Variants in MTMR2 observed in about 807,000 individuals in gnomAD.
MTMR2 encodes the protein myotubularin related protein 2, also known as phosphatidylinositol-3,5-bisphosphate 3-phosphatase MTMR2.
In MTMR2, 55 loss-of-function variants were observed where a neutral mutation model predicts 86.9. That is an observed-to-expected ratio of 0.63 (90% confidence interval 0.51 to 0.79). The LOEUF (loss-of-function observed/expected upper bound fraction) is 0.79. MTMR2 is among the 30% of genes least tolerant of loss of function. MTMR2 has a pLI of 0.00. For missense variants in MTMR2, 659 were observed against 772.3 expected, an observed-to-expected ratio of 0.85 and a Z score of 1.74; for synonymous variants, 241 against 266.8, an observed-to-expected ratio of 0.90 and a Z score of 0.94.
At chr11:95,871,467 A>G (rs373550176) in intron 2 of MTMR2, among the ~76,000 whole-genome samples, 2,522 of 152,168 alleles carry the variant, frequency 0.017, 33 homozygotes, top group South Asian at 0.062. Context: ...TGTGGTTTTC[A>G]TTTGCATTTC....
chr11:95,907,463 G>T (rs1866323564), intron 1 of MTMR2, among the ~76,000 whole-genome samples: 1 of 151,804 alleles, frequency 6.6e-6, no homozygotes, highest in Admixed American at 6.6e-5. Context: ...CATTCCTATG[G>T]AAACTATTCC....
intron 1 of MTMR2, among the ~76,000 whole-genome samples, chr11:95,888,476 TC>T (rs1237398862): frequency 6.6e-6 from 1 of 152,166 alleles, no homozygotes; most frequent in African/African-American, 2.4e-5. Context: ...CTGGATAGAC[TC>T]CCAATACTCA....
intron 2 of MTMR2, among the ~76,000 whole-genome samples, chr11:95,874,925 C>T (rs2135513391): frequency 6.6e-6 from 1 of 152,160 alleles, no homozygotes; most frequent in East Asian, 1.9e-4. Context: ...ATATTGGCCC[C>T]CACTCTCTTC....
At chr11:95,844,642 T>A (rs1249335390) in intron 11 of MTMR2, among the ~76,000 whole-genome samples, 2 of 152,126 alleles carry the variant, frequency 1.3e-5, no homozygotes, top group African/African-American at 2.4e-5. Context: ...GTAAAGACCC[T>A]TCTAAAAGTT....
At chr11:95,894,962 T>G (rs183401304) in intron 1 of MTMR2, among the ~76,000 whole-genome samples, 119 of 152,274 alleles carry the variant, frequency 7.8e-4, no homozygotes, top group African/African-American at 2.7e-3. Flanking sequence ...GACACTCCAA[T>G]TATACAAGAT....
intron 1 of MTMR2, among the ~76,000 whole-genome samples, chr11:95,919,792 A>G (rs1042484561): frequency 2.0e-5 from 3 of 152,212 alleles, no homozygotes; most frequent in Admixed American, 2.0e-4. Context: ...AACAAACAAG[A>G]CCAGTGGTGA....
chr11:95,847,811 T>C lies in MTMR2; in HGVS notation c.1082A>G (p.Glu361Gly). Residue 361 changes from glutamate to glycine, a missense_variant, in exon 10 of 15, where the codon GAA (glutamate) becomes GGA (glycine). By Grantham distance (98) the Glu-to-Gly change is moderately conservative. Transcript: ENST00000346299. The part of the protein sequence containing the change: ...LDIHNIHVMR[E>G]SLRKLKEIVY... The stretch of plus-strand genomic sequence containing the variant: ...AATCTCCTTAAGTTTTCGTAATGAT[T>C]CTCTCATAACATGAATATTGTGGAT... The C allele has an allele frequency of 6.2e-7, 1 of 1,613,634 alleles. No homozygotes were observed. The highest frequency in any genetic ancestry group is 8.5e-7 in the Non-Finnish European group (1 of 1,179,590).
chr11:95,839,953 G>T (rs1462546197), intron 12 of MTMR2: 1 of 152,012 alleles, frequency 6.6e-6, no homozygotes, highest in Non-Finnish European at 1.5e-5. Flanking sequence ...TCAAAATTAG[G>T]ATTAAACTAC....
chr11:95,838,296 TTAAA>T (rs747294899), intron 12 of MTMR2, 89 bp from the exon 13 acceptor site: 3 of 767,496 alleles, frequency 3.9e-6, no homozygotes, highest in Non-Finnish European at 7.0e-6. Flanking sequence ...GAGGTAGTAT[TTAAA>T]ATGAAGTTAA....
intron 7 of MTMR2, among the ~76,000 whole-genome samples, chr11:95,853,584 A>G (rs1316545338): frequency 6.6e-6 from 1 of 152,084 alleles, no homozygotes; most frequent in Non-Finnish European, 1.5e-5. Context: ...TCTAGTCTAT[A>G]TCAAACGTCT....
At chr11:95,842,225 A>G (rs1863578328) in intron 11 of MTMR2, among the ~76,000 whole-genome samples, 1 of 152,216 alleles carries the variant, frequency 6.6e-6, no homozygotes, top group African/African-American at 2.4e-5. Context: ...TGCTTATAAT[A>G]TGAATTACTA....
chr11:95,879,599 T>C (rs1865249901), intron 2 of MTMR2, among the ~76,000 whole-genome samples: 1 of 152,208 alleles, frequency 6.6e-6, no homozygotes, highest in East Asian at 1.9e-4. Flanking sequence ...CCTGTTTATG[T>C]ACCCACAGCC....
chr11:95,862,794 T>C (rs1308615357), intron 3 of MTMR2, among the ~76,000 whole-genome samples: 1 of 152,226 alleles, frequency 6.6e-6, no homozygotes. Context: ...TTTGTCAACA[T>C]TCTTCTAAAA....
chr11:95,862,033 T>C lies in MTMR2; in HGVS notation c.427A>G (p.Ser143Gly). 1 of 1,613,900 alleles carries C rather than the reference T, an allele frequency of 6.2e-7. No homozygotes were observed. The highest frequency in any genetic ancestry group is 8.5e-7 in the Non-Finnish European group (1 of 1,179,864). Residue 143 changes from serine (S) to glycine (G), a missense_variant, in exon 5 of 15, where the codon AGT becomes GGT. Ser to Gly is a moderately conservative substitution (Grantham distance 56). Transcript: ENST00000346299. ...NRVEKIGGASSRGENSYGLET... is the reference protein window; with the variant it reads ...NRVEKIGGASGRGENSYGLET... The stretch of plus-strand genomic sequence containing the variant: ...AGTCCATAAGAATTTTCACCTCGAC[T>C]AGAAGCACCACCAATTTTTTCTACT...
chr11:95,905,319 G>A (rs1436890249), intron 1 of MTMR2, among the ~76,000 whole-genome samples: 7 of 122,636 alleles, frequency 5.7e-5, no homozygotes, highest in Admixed American at 9.0e-5. Context: ...ACACACACAC[G>A]CACGCACCTG....
intron 7 of MTMR2, among the ~76,000 whole-genome samples, chr11:95,856,364 G>A (rs1253160605): frequency 6.7e-6 from 1 of 149,776 alleles, no homozygotes; most frequent in African/African-American, 2.5e-5. Context: ...GGGGGGAAGT[G>A]AATAATCTGA....
rs1863942641 is a variant in MTMR2, at chr11:95,849,753, G to C, written c.914C>G (p.Ala305Gly). ...AGACTGGGCATTGGAATCCATGATA[G>C]CTTGAAGGTATTTTTCATCTTCTTT... ...RSKEDEKYLQ[A>G]IMDSNAQSHK... Residue 305 changes from alanine (A) to glycine (G), a missense_variant, in exon 9 of 15, where the codon GCT (alanine) becomes GGT (glycine). Physicochemically the swap from Ala to Gly is moderately conservative, Grantham distance 60. Coordinates refer to ENST00000346299, the MANE Select transcript of MTMR2 (RefSeq NM_016156.6). The C allele has an allele frequency of 6.2e-7, 1 of 1,614,044 alleles. No homozygotes were observed. The highest frequency in any genetic ancestry group is 8.5e-7 in the Non-Finnish European group (1 of 1,179,924).
rs1208562716 is a variant in MTMR2, at chr11:95,895,113, C to T, written c.81-6852G>A. Among the ~76,000 whole-genome samples the T allele has an allele frequency of 3.3e-5, 5 of 150,554 alleles. No individual in the cohort carries two copies. In the South Asian group the frequency reaches 6.3e-4, roughly 19 times the overall value. On this transcript the variant is annotated intron_variant, in intron 1 of 14. Transcript: ENST00000346299. ...CTGACCAATAAGAGACATTATACCA[C>T]ACAAGCATATCAATAATACCATGAG...
chr11:95,885,214 T>G (rs1014799576), intron 2 of MTMR2, among the ~76,000 whole-genome samples: 4 of 152,192 alleles, frequency 2.6e-5, no homozygotes, highest in Non-Finnish European at 5.9e-5. Context: ...TAGACAAATT[T>G]GCATTTATAA....
Sources: allele counts gnomAD v4.1 joint callset (sites outside exome capture counted in the v4.1 genomes callset), GRCh38; gene constraint gnomAD v4.1.1; transcripts MANE v1.5; gene names NCBI Gene and HGNC (gene_info 2026-07-23, HGNC 2026-07-21).